The following TANC1 variants were observed in gnomAD, a reference collection of about 807,000 sequenced individuals.
TANC1 encodes protein TANC1.
A neutral mutation model predicts 149.7 loss-of-function variants in TANC1; 77 were observed. The ratio of observed to expected loss-of-function variants is 0.51; its 90% CI spans 0.43 to 0.62. The LOEUF is 0.62. Ranked by LOEUF, TANC1 falls within the 20% of genes least tolerant of loss-of-function variation. TANC1 has a pLI of 0.00. For missense variants in TANC1, 1,985 were observed against 2,321.8 expected (o/e 0.85, Z 2.98); for synonymous variants, 854 against 925.0 (o/e 0.92, Z 1.39).
Position 159,170,631 on chromosome 2 carries a change from C to A in TANC1, c.1177C>A (p.His393Asn). 1 of 1,614,094 alleles carries A rather than the reference C, an allele frequency of 6.2e-7. No individual in the cohort carries two copies. The change falls in exon 10 of 27, where the codon CAC becomes AAC. Residue 393 changes from histidine (H) to asparagine (N), a missense_variant. Transcript: ENST00000263635. ...SVFVGRDWLF[H>N]QIEENLRNTE... ...GTTTGTGGGAAGGGATTGGCTCTTT[C>A]ACCAGATAGAAGAAAACTTGAGGAA... is the stretch of plus-strand genomic sequence containing the variant.
intron 19 of TANC1, among the ~76,000 whole-genome samples, chr2:159,209,758 T>C (rs764045464): frequency 6.6e-6 from 1 of 152,238 alleles, no homozygotes; most frequent in African/African-American, 2.4e-5. Flanking sequence ...AGGCACACTC[T>C]TTCCTGGTGT....
At chr2:159,071,991 G>GT (rs1172736716) in intron 3 of TANC1, among the ~76,000 whole-genome samples, 1 of 152,088 alleles carries the variant, frequency 6.6e-6, no homozygotes, top group Non-Finnish European at 1.5e-5. Context: ...TTTGTTTTTT[G>GT]TTTTTTGAGA....
intron 2 of TANC1, among the ~76,000 whole-genome samples, chr2:159,061,367 G>T (rs948828510): frequency 3.9e-5 from 6 of 152,126 alleles, no homozygotes; most frequent in African/African-American, 1.4e-4. Context: ...CTCCCCTGAA[G>T]CATGGTCATC....
chr2:159,219,202 C>T, intron 20 of TANC1, 36 bp from the exon 21 acceptor site: 1 of 1,612,980 alleles, frequency 6.2e-7, no homozygotes, highest in East Asian at 2.2e-5. Flanking sequence ...GTGGAAAATG[C>T]AGCAGGAGGA....
chr2:159,153,779 T>G (rs2053125067), intron 7 of TANC1, among the ~76,000 whole-genome samples: 1 of 152,226 alleles, frequency 6.6e-6, no homozygotes, highest in African/African-American at 2.4e-5. Context: ...GTTCTGTGAT[T>G]GCTGGAGTAG....
intron 22 of TANC1, among the ~76,000 whole-genome samples, chr2:159,223,859 A>G (rs2059853237): frequency 6.6e-6 from 1 of 152,106 alleles, no homozygotes; most frequent in South Asian, 2.1e-4. Flanking sequence ...TGGCCTGCTC[A>G]TTTGTTAGAG....
At chr2:159,225,920 G>A (rs1464413472) in intron 24 of TANC1, 141 bp downstream of exon 24, 6 of 723,328 alleles carry the variant, frequency 8.3e-6, no homozygotes, top group Middle Eastern at 2.3e-4. Flanking sequence ...GGTGGCTCAC[G>A]CCTGTAACTC....
intron 5 of TANC1, among the ~76,000 whole-genome samples, chr2:159,145,959 TTTAATA>T (rs1381899476): frequency 6.6e-6 from 1 of 152,212 alleles, no homozygotes; most frequent in African/African-American, 2.4e-5. Context: ...TGATCAGCGA[TTTAATA>T]TTAACTACAT....
At chr2:159,196,918 G>T in intron 18 of TANC1, 125 bp downstream of exon 18, 2 of 849,126 alleles carry the variant, frequency 2.4e-6, no homozygotes, top group Non-Finnish European at 3.6e-6. Flanking sequence ...ACCACCTGCA[G>T]TAGAAGGTCT....
At chr2:159,164,056 A>G (rs1206824669) in intron 8 of TANC1, among the ~76,000 whole-genome samples, 2 of 152,214 alleles carry the variant, frequency 1.3e-5, no homozygotes, top group East Asian at 3.8e-4. Context: ...GGAGCTCTCA[A>G]TCAAGGAAAT....
Position 159,214,621 on chromosome 2 carries a change from C to T in TANC1, c.3245-2876C>T, listed in dbSNP as rs1276143339. 2.6e-5 allele frequency among the ~76,000 whole-genome samples: 4 copies of T among 152,230 alleles called. No individual in the cohort carries two copies. In the South Asian group the frequency reaches 6.2e-4, roughly 24 times the overall value. ...CCAGTGCATGTGAAGGACTGTTCTA[C>T]CACAGAGAACTGAAGTTGTTACGCC... is the stretch of plus-strand genomic sequence containing the variant. On this transcript the variant is annotated intron_variant, in intron 19 of 26. Coordinates refer to ENST00000263635, the MANE Select transcript of TANC1 (RefSeq NM_033394.3).
In TANC1 at chr2:159,149,134, T is replaced by C; in HGVS notation, c.365-8T>C. 4 of 1,569,072 alleles carry C rather than the reference T, an allele frequency of 2.5e-6. No homozygotes were observed. Reference sequence around the variant, plus strand: ...GGGCATCTTCATTGTTTTCTTTCTTTGTTCCAGAAGCAAAGGCCGATAATG... The same window carrying C: ...GGGCATCTTCATTGTTTTCTTTCTTCGTTCCAGAAGCAAAGGCCGATAATG... On this transcript the variant is annotated splice_region_variant and splice_polypyrimidine_tract_variant and intron_variant, in intron 5 of 26. Coordinates refer to ENST00000263635, the MANE Select transcript of TANC1 (RefSeq NM_033394.3).
At chr2:159,028,313 GT>G (rs2039513583) in intron 2 of TANC1, among the ~76,000 whole-genome samples, 1 of 152,086 alleles carries the variant, frequency 6.6e-6, no homozygotes, top group Non-Finnish European at 1.5e-5. Flanking sequence ...TAGAGACGGG[GT>G]TTCACCATGT....
rs1333770505 is a variant in TANC1, at chr2:159,211,948, G to A, written c.3245-5549G>A. On this transcript the variant is annotated intron_variant, in intron 19 of 26. Coordinates refer to ENST00000263635, the MANE Select transcript of TANC1 (RefSeq NM_033394.3). Reference sequence around the variant, plus strand: ...GGGTCCAACCCAGTTGCCATGCCCGGGGTGGCGCACTCGCCCCTTGTCAGT... The same window carrying A: ...GGGTCCAACCCAGTTGCCATGCCCGAGGTGGCGCACTCGCCCCTTGTCAGT... Among the ~76,000 whole-genome samples, 3 of 152,224 alleles carry A rather than the reference G, an allele frequency of 2.0e-5. No homozygotes were observed. In the East Asian group the frequency reaches 5.8e-4, roughly 29 times the overall value.
At chr2:159,121,659 G>A (rs973000104) in intron 4 of TANC1, among the ~76,000 whole-genome samples, 19 of 152,196 alleles carry the variant, frequency 1.2e-4, no homozygotes, top group Non-Finnish European at 2.6e-4. Flanking sequence ...TCATTAATTA[G>A]GGAATCCAAA....
chr2:159,115,038 A>G (rs1270154475), intron 4 of TANC1, among the ~76,000 whole-genome samples: 1 of 152,200 alleles, frequency 6.6e-6, no homozygotes, highest in African/African-American at 2.4e-5. Flanking sequence ...ATAAAGGTAA[A>G]TAAATACTTG....
chr2:159,011,704 T>C (rs2037783795), intron 2 of TANC1, among the ~76,000 whole-genome samples: 1 of 151,988 alleles, frequency 6.6e-6, no homozygotes, highest in Admixed American at 6.6e-5. Flanking sequence ...CCTGGTCAAA[T>C]TGCACCTTTT....
rs150934140 is a variant in TANC1, at chr2:159,187,094, C to T, written c.2742+70C>T. The stretch of plus-strand genomic sequence containing the variant: ...GGCTGCTGGCCGTTCCTCCAACAGC[C>T]CTGTTTCCCTCTGCCCTGGGTGGTG... On this transcript the variant is annotated intron_variant, in intron 16 of 26. Transcript: ENST00000263635. The T allele has an allele frequency of 1.1e-5, 18 of 1,576,916 alleles. No individual in the cohort carries two copies. In the East Asian group the frequency reaches 3.4e-4, roughly 30 times the overall value.
chr2:159,026,582 G>A (rs1013956069), intron 2 of TANC1, among the ~76,000 whole-genome samples: 5 of 152,206 alleles, frequency 3.3e-5, no homozygotes, highest in African/African-American at 1.2e-4. Flanking sequence ...ATGAAGTCCA[G>A]TGTCTTGAGG....
Sources: gnomAD v4.1 joint callset for allele counts (sites outside exome capture counted in the v4.1 genomes callset) on GRCh38, gnomAD v4.1.1 for gene constraint, MANE v1.5 for transcripts, NCBI Gene and HGNC (gene_info 2026-07-23, HGNC 2026-07-21) for gene names.